Variants in SEMA3D observed in about 807,000 individuals in gnomAD.
SEMA3D encodes the protein semaphorin-3D.
A neutral mutation model predicts 100.1 loss-of-function variants in SEMA3D; 84 were observed. That is an observed-to-expected ratio of 0.84 (90% CI 0.70 to 1.01). The LOEUF (loss-of-function observed/expected upper bound fraction) is 1.01. Among genes scored for constraint, SEMA3D ranks in the 50% least tolerant of loss-of-function variants. SEMA3D has a pLI of 0.00. For synonymous variants in SEMA3D, 312 were observed against 320.7 expected, an observed-to-expected ratio of 0.97 and a Z score of 0.29; for missense variants, 875 against 934.1, an observed-to-expected ratio of 0.94 and a Z score of 0.82.
intron 3 of SEMA3D, among the ~76,000 whole-genome samples, chr7:85,103,255 C>T (rs1788803548): frequency 6.6e-6 from 1 of 151,924 alleles, no homozygotes; most frequent in African/African-American, 2.4e-5. Flanking sequence ...AAAGCTAAGA[C>T]ACTCAGTGGA....
At chr7:85,069,334 A>G (rs1302574605) in intron 6 of SEMA3D, among the ~76,000 whole-genome samples, 1 of 152,194 alleles carries the variant, frequency 6.6e-6, no homozygotes, top group East Asian at 1.9e-4. Context: ...TTAAAAAAAT[A>G]CTAAACACTA....
rs748303384 is a variant in SEMA3D at position 85,022,474 on chromosome 7, T to C, written c.1331A>G (p.Asn444Ser). 207 of 1,612,534 alleles carry C rather than the reference T, an allele frequency of 1.3e-4. No individual in the cohort carries two copies. Among genetic ancestry groups the C allele is most frequent in the Non-Finnish European group, 1.6e-4 (194 of 1,179,008 alleles). The change falls in exon 13 of 19, where the codon AAT becomes AGT. Residue 444 changes from asparagine to serine, a missense_variant. Coordinates refer to ENST00000284136, the MANE Select transcript of SEMA3D (RefSeq NM_001384900.1). ...TATCTGTGTCAGTCTGTAATCCACA[T>C]TGATTCTCTTGAACGTTGGTCCTCC... ...VAGGPTFKRI[N>S]VDYRLTQIVV...
chr7:85,173,834 A>G (rs983998546), intron 1 of SEMA3D, among the ~76,000 whole-genome samples: 3 of 152,162 alleles, frequency 2.0e-5, no homozygotes, highest in African/African-American at 7.2e-5. Flanking sequence ...CAGAGCTAGT[A>G]TCTGGACCCA....
At chr7:85,206,940 T>G in the SEMA3D span, among the ~76,000 whole-genome samples, 1 of 151,632 alleles carries the variant, frequency 6.6e-6, no homozygotes, top group Admixed American at 6.6e-5. Flanking sequence ...TCCAATACAT[T>G]CTGCTTCTGC....
chr7:85,193,467 C>T, the SEMA3D span, among the ~76,000 whole-genome samples: 21 of 152,180 alleles, frequency 1.4e-4, no homozygotes, highest in African/African-American at 5.1e-4. Context: ...ATTCTGTTCT[C>T]GTTGGCAAAG....
At chr7:85,048,851 C>T (rs1583869766) in intron 9 of SEMA3D, among the ~76,000 whole-genome samples, 1 of 151,772 alleles carries the variant, frequency 6.6e-6, no homozygotes, top group East Asian at 1.9e-4. Flanking sequence ...AACTGTGTAA[C>T]ATAGAACATG....
intron 4 of SEMA3D, among the ~76,000 whole-genome samples, chr7:85,093,236 C>T (rs1260939688): frequency 6.6e-6 from 1 of 151,994 alleles, no homozygotes; most frequent in Non-Finnish European, 1.5e-5. Context: ...AATATTCCTT[C>T]AACTTGAGGT....
chr7:85,042,356 A>G (rs1790888788), intron 9 of SEMA3D, 71 bp from the exon 10 acceptor site: 1 of 1,057,362 alleles, frequency 9.5e-7, no homozygotes, highest in Non-Finnish European at 1.5e-6. Context: ...ACTGGTGGCT[A>G]TTACAGGTAG....
At chr7:85,033,649 A>G (rs1790607143) in intron 12 of SEMA3D, among the ~76,000 whole-genome samples, 1 of 152,082 alleles carries the variant, frequency 6.6e-6, no homozygotes, top group African/African-American at 2.4e-5. Context: ...TCATTCTCCT[A>G]TAATATCTAG....
At chr7:85,015,913 T>C (rs1790087316) in intron 15 of SEMA3D, among the ~76,000 whole-genome samples, 1 of 151,594 alleles carries the variant, frequency 6.6e-6, no homozygotes. Flanking sequence ...GGAGGGGTGA[T>C]ACAAGTGAAT....
intron 1 of SEMA3D, among the ~76,000 whole-genome samples, chr7:85,158,572 C>T (rs1790660867): frequency 6.6e-6 from 1 of 152,204 alleles, no homozygotes; most frequent in Non-Finnish European, 1.5e-5. Flanking sequence ...TGCCCTGGTC[C>T]TGTGGTCCTG....
rs140057712 is a variant in SEMA3D at position 85,041,681 on chromosome 7, G to A, written c.976+490C>T. ...AAAATCATTGTAGGACTTGGAAGGA[G>A]TTTTTGAGGGAGTGAAGAGGAGAAG... is the stretch of plus-strand genomic sequence containing the variant. On this transcript the variant is annotated intron_variant, in intron 10 of 18. Transcript: ENST00000284136. 629 of 153,042 alleles carry A rather than the reference G, an allele frequency of 4.1e-3. 5 individuals carry two copies. The highest frequency in any genetic ancestry group is 0.015 in the African/African-American group (605 of 41,602). 9.5% of individuals were successfully genotyped at this position (153,042 alleles called of 1,614,324 possible).
the SEMA3D span, among the ~76,000 whole-genome samples, chr7:85,223,067 A>G: frequency 6.6e-6 from 1 of 152,242 alleles, no homozygotes; most frequent in East Asian, 1.9e-4. Flanking sequence ...ACAGCCCAAC[A>G]TCACTAATTG....
At chr7:85,141,059 T>A (rs1307096472) in intron 2 of SEMA3D, 2 of 869,740 alleles carry the variant, frequency 2.3e-6, no homozygotes, top group East Asian at 2.4e-4. Flanking sequence ...CATCACTATG[T>A]TTTCATTTTA....
At chr7:85,225,036 C>T in the SEMA3D span, among the ~76,000 whole-genome samples, 2 of 123,862 alleles carry the variant, frequency 1.6e-5, no homozygotes, top group Non-Finnish European at 3.3e-5. Flanking sequence ...AGAATCACTG[C>T]TCCTGATTTT....
chr7:84,998,397 G>C lies in SEMA3D; in HGVS notation c.*1043C>G, dbSNP rs906034118. Reference sequence around the variant, plus strand: ...CTACTCTTCCTATGATTCTTCAGAAGAATTTATGTTTCCTCAGATTTTGCT... The same window carrying C: ...CTACTCTTCCTATGATTCTTCAGAACAATTTATGTTTCCTCAGATTTTGCT... On this transcript the variant is annotated 3_prime_UTR_variant, in exon 19 of 19. Transcript: ENST00000284136. 1.2e-4 allele frequency: 19 copies of C among 152,058 alleles called. No individual in the cohort carries two copies. The highest frequency in any genetic ancestry group is 2.2e-4 in the Non-Finnish European group (15 of 67,998). The allele number at this position is 152,058 out of a possible 1,614,324, so 9.4% of individuals were successfully genotyped here. A position where few individuals can be genotyped will look rare whatever the true frequency, so the allele number is the denominator to read the frequency against.
intron 3 of SEMA3D, among the ~76,000 whole-genome samples, chr7:85,105,603 A>G (rs1788893814): frequency 6.6e-6 from 1 of 152,094 alleles, no homozygotes; most frequent in Non-Finnish European, 1.5e-5. Flanking sequence ...ATTGCAGGTG[A>G]ATATTATGTT....
At chr7:85,229,803 T>C in the SEMA3D span, among the ~76,000 whole-genome samples, 2 of 152,170 alleles carry the variant, frequency 1.3e-5, no homozygotes, top group Non-Finnish European at 2.9e-5. Context: ...TTTCCTGTTC[T>C]TCATTCTTCA....
the SEMA3D span, among the ~76,000 whole-genome samples, chr7:85,223,870 C>T: frequency 2.7e-4 from 41 of 151,632 alleles, no homozygotes; most frequent in African/African-American, 9.9e-4. Context: ...TGAACTTATC[C>T]GTGTAACCCC....
Sources: allele counts gnomAD v4.1 joint callset (sites outside exome capture counted in the v4.1 genomes callset), GRCh38; gene constraint gnomAD v4.1.1; transcripts MANE v1.5; gene names NCBI Gene and HGNC (gene_info 2026-07-23, HGNC 2026-07-21).